Variants in TCF4 observed in about 807,000 individuals in gnomAD.
The protein encoded by TCF4 is transcription factor 4.
In TCF4, 3 loss-of-function variants were observed where a neutral mutation model predicts 82.1. The ratio of observed to expected loss-of-function variants is 0.04; its 90% CI spans 0.02 to 0.09. TCF4 has a LOEUF of 0.09. Among genes scored for constraint, TCF4 ranks in the 10% least tolerant of loss-of-function variants. The pLI, the probability that TCF4 is intolerant of heterozygous loss-of-function variation, is 1.00. For missense variants in TCF4, 518 were observed against 852.7 expected (o/e 0.61, Z 4.89); for synonymous variants, 276 against 309.6 (o/e 0.89, Z 1.14).
chr18:55,351,750 A>G (rs1157481868), intron 6 of TCF4: 1 of 645,472 alleles, frequency 1.5e-6, no homozygotes, highest in Non-Finnish European at 1.9e-6. Context: ...GACATCAGAA[A>G]GATTATATAA....
chr18:55,562,663 C>T (rs2097365233), intron 3 of TCF4, among the ~76,000 whole-genome samples: 1 of 152,212 alleles, frequency 6.6e-6, no homozygotes, highest in Admixed American at 6.5e-5. Flanking sequence ...CACCCAATCA[C>T]ATTTTCCATA....
chr18:55,377,440 A>T (rs573116738), intron 6 of TCF4, among the ~76,000 whole-genome samples: 3 of 152,308 alleles, frequency 2.0e-5, no homozygotes, highest in East Asian at 3.9e-4. Context: ...TGGAATATGG[A>T]ATCAAATGAT....
At chr18:55,355,434 T>C (rs565345608) in intron 6 of TCF4, among the ~76,000 whole-genome samples, 1 of 152,260 alleles carries the variant, frequency 6.6e-6, no homozygotes, top group East Asian at 1.9e-4. Flanking sequence ...TGCTGCTGAA[T>C]GTGCCATTCT....
chr18:55,509,325 A>G (rs941848435), intron 3 of TCF4, among the ~76,000 whole-genome samples: 13 of 137,886 alleles, frequency 9.4e-5, no homozygotes. Context: ...TAAAACACTC[A>G]CACAGACAGA....
intron 5 of TCF4, among the ~76,000 whole-genome samples, chr18:55,426,789 C>A: frequency 6.6e-6 from 1 of 152,128 alleles, no homozygotes; most frequent in Middle Eastern, 3.4e-3. Context: ...ATATGTACTT[C>A]TATATATATC....
chr18:55,228,483 C>G (rs924288817), intron 18 of TCF4, 122 bp from the exon 19 acceptor site: 1 of 1,387,648 alleles, frequency 7.2e-7, no homozygotes, highest in Non-Finnish European at 1.0e-6. Flanking sequence ...ACAAAAGGAA[C>G]AGTTACTAAG....
intron 3 of TCF4, among the ~76,000 whole-genome samples, chr18:55,528,842 G>A (rs755086948): frequency 2.7e-4 from 41 of 152,206 alleles, no homozygotes; most frequent in Admixed American, 5.9e-4. Context: ...TGATGTCCTT[G>A]TTTCAGTAAA....
chr18:55,605,876 G>C (rs765427120), intron 2 of TCF4, among the ~76,000 whole-genome samples: 5 of 152,220 alleles, frequency 3.3e-5, no homozygotes, highest in Non-Finnish European at 5.9e-5. Flanking sequence ...CACTTTTGCT[G>C]TGCTGCTTTC....
chr18:55,588,096 C>G lies in TCF4; in HGVS notation c.-79G>C. ...GCCGGCGCCGAGGCGGCGTTCATGT[C>G]TAACCGCCGCCGCCACCGCCGCCGC... On this transcript the variant is annotated 5_prime_UTR_variant, in exon 1 of 20. Transcript: ENST00000354452. 1 of 1,018,978 alleles carries G rather than the reference C, an allele frequency of 9.8e-7. No homozygotes were observed. 63.1% of individuals were successfully genotyped at this position (1,018,978 alleles called of 1,614,324 possible).
intron 5 of TCF4, among the ~76,000 whole-genome samples, chr18:55,454,415 CCTAT>C (rs953227717): frequency 6.6e-6 from 1 of 152,070 alleles, no homozygotes; most frequent in African/African-American, 2.4e-5. Context: ...ACGTTTAAAC[CCTAT>C]CTATCTAATT....
intron 3 of TCF4, among the ~76,000 whole-genome samples, chr18:55,549,303 A>G (rs2097237205): frequency 6.6e-6 from 1 of 151,984 alleles, no homozygotes; most frequent in Admixed American, 6.6e-5. Context: ...TGTCTCAAAA[A>G]CAGAAAAAAG....
chr18:55,344,531 T>C (rs112828210), intron 8 of TCF4, among the ~76,000 whole-genome samples: 1,611 of 152,258 alleles, frequency 0.011, 36 homozygotes, highest in African/African-American at 0.037. Flanking sequence ...ATGATAAAGT[T>C]CAAAATAGCA....
At chr18:55,355,712 G>A (rs1350393836) in intron 6 of TCF4, among the ~76,000 whole-genome samples, 4 of 152,150 alleles carry the variant, frequency 2.6e-5, no homozygotes, top group Non-Finnish European at 5.9e-5. Flanking sequence ...TTCAACAAAA[G>A]AGGACTTGGG....
chr18:55,518,756 A>AT, intron 3 of TCF4, among the ~76,000 whole-genome samples: 1 of 152,274 alleles, frequency 6.6e-6, no homozygotes. Context: ...TCATTGGAGG[A>AT]TTTTTTGCTG....
At chr18:55,249,794 T>G (rs1053458891) in intron 15 of TCF4, among the ~76,000 whole-genome samples, 1 of 152,198 alleles carries the variant, frequency 6.6e-6, no homozygotes, top group African/African-American at 2.4e-5. Context: ...AGTTGCTGAC[T>G]CTACCAACAA....
chr18:55,227,921 C>T lies in TCF4; in HGVS notation c.*114G>A, dbSNP rs1265481317. ...GCGATTCATAACTACTCAGACTTGT[C>T]TTATATTACAAAAATGGGGGTTAAG... On this transcript the variant is annotated 3_prime_UTR_variant, in exon 20 of 20. Transcript: ENST00000354452. 1 of 339,354 alleles carries T rather than the reference C, an allele frequency of 2.9e-6. No individual in the cohort carries two copies. The highest frequency in any genetic ancestry group is 2.1e-5 in the African/African-American group (1 of 47,014). The allele number at this position is 339,354 out of a possible 1,614,324, so 21.0% of individuals were successfully genotyped here. A position where few individuals can be genotyped will look rare whatever the true frequency, so the allele number is the denominator to read the frequency against.
At chr18:55,299,782 T>C (rs571623435) in intron 8 of TCF4, among the ~76,000 whole-genome samples, 12 of 152,218 alleles carry the variant, frequency 7.9e-5, no homozygotes, top group South Asian at 2.1e-4. Flanking sequence ...TCCCCAATAG[T>C]AGACCCTCCC....
intron 3 of TCF4, among the ~76,000 whole-genome samples, chr18:55,517,524 T>C (rs2096894728): frequency 6.6e-6 from 1 of 152,178 alleles, no homozygotes; most frequent in Non-Finnish European, 1.5e-5. Context: ...TTGTTTTAAA[T>C]CACTAAGTTT....
chr18:55,528,209 C>T (rs1357349037), intron 3 of TCF4, among the ~76,000 whole-genome samples: 1 of 152,164 alleles, frequency 6.6e-6, no homozygotes, highest in Non-Finnish European at 1.5e-5. Context: ...ACGATATTCT[C>T]TGGACACTTA....
Sources: gnomAD v4.1 joint callset for allele counts (sites outside exome capture counted in the v4.1 genomes callset) on GRCh38, gnomAD v4.1.1 for gene constraint, MANE v1.5 for transcripts, NCBI Gene and HGNC (gene_info 2026-07-23, HGNC 2026-07-21) for gene names.